TENM3: variants seen among roughly 807,000 people sequenced by gnomAD.
TENM3 encodes teneurin transmembrane protein 3.
In TENM3, 63 loss-of-function variants were observed where a neutral mutation model predicts 255.1. The observed-to-expected ratio is 0.25, with a 90% confidence interval of 0.20 to 0.30. The LOEUF (loss-of-function observed/expected upper bound fraction) is 0.30. Among genes scored for constraint, TENM3 ranks in the 10% least tolerant of loss-of-function variants. The probability of loss-of-function intolerance (pLI) is 1.00; values close to 1 mark genes in which losing one functional copy is unlikely to be tolerated. For synonymous variants in TENM3, 1,306 were observed against 1,322.3 expected (o/e 0.99, Z 0.27); for missense variants, 2,929 against 3,461.1 (o/e 0.85, Z 3.86).
At position 182,416,016 on chromosome 4, in the gene TENM3, G is replaced by T. The variant is rs142585483; in HGVS notation, c.511+69087G>T. 4.8e-3 allele frequency among the ~76,000 whole-genome samples: 738 copies of T among 152,190 alleles called. 5 individuals carry two copies. The highest frequency in any genetic ancestry group is 0.017 in the African/African-American group (702 of 41,536). ...AAAAATAAAACTTTTAACCATACTT[G>T]TAAAAGTACTAAGAAATTGTCTCCA... is the stretch of plus-strand genomic sequence containing the variant. On this transcript the variant is annotated intron_variant, in intron 3 of 27. Transcript: ENST00000511685.
At chr4:182,731,507 C>G (rs1760702375) in intron 16 of TENM3, among the ~76,000 whole-genome samples, 1 of 151,716 alleles carries the variant, frequency 6.6e-6, no homozygotes, top group Non-Finnish European at 1.5e-5. Context: ...GAGACCCTGT[C>G]TCAAAAAAAG....
the TENM3 span, among the ~76,000 whole-genome samples, chr4:181,990,133 AT>A: frequency 2.0e-5 from 3 of 152,106 alleles, no homozygotes; most frequent in African/African-American, 7.2e-5. Context: ...GCTTGTACGT[AT>A]TTCCTCTATA....
At chr4:182,237,820 A>G (rs1036382775) in intron 1 of TENM3, among the ~76,000 whole-genome samples, 2 of 152,188 alleles carry the variant, frequency 1.3e-5, no homozygotes, top group Non-Finnish European at 1.5e-5. Context: ...TTTGTCACCA[A>G]ATATATTTTC....
At chr4:181,774,003 GTTTTT>G in the TENM3 span, among the ~76,000 whole-genome samples, 50 of 90,060 alleles carry the variant, frequency 5.6e-4, 1 homozygote, top group African/African-American at 2.3e-3. Flanking sequence ...TGGTGGCTGT[GTTTTT>G]TTTTTTTTTT....
At chr4:182,066,792 T>C in the TENM3 span, among the ~76,000 whole-genome samples, 1 of 151,928 alleles carries the variant, frequency 6.6e-6, no homozygotes, top group East Asian at 1.9e-4. Flanking sequence ...GCGCCTGTAG[T>C]CCCAGCTACT....
the TENM3 span, among the ~76,000 whole-genome samples, chr4:181,518,816 A>G: frequency 2.0e-5 from 3 of 152,270 alleles, no homozygotes; most frequent in Non-Finnish European, 2.9e-5. Flanking sequence ...CTGTATGTCC[A>G]TGAATGACAG....
chr4:182,516,177 C>T (rs1737924384), intron 3 of TENM3, among the ~76,000 whole-genome samples: 1 of 152,168 alleles, frequency 6.6e-6, no homozygotes, highest in African/African-American at 2.4e-5. Context: ...GTAGAAATAG[C>T]ACTGGACTGT....
the TENM3 span, among the ~76,000 whole-genome samples, chr4:181,787,340 C>CTT: frequency 1.1e-3 from 152 of 141,412 alleles, no homozygotes; most frequent in East Asian, 4.2e-3. Flanking sequence ...CTACATCCAT[C>CTT]TTTTTTTTTT....
chr4:181,912,259 C>A, the TENM3 span, among the ~76,000 whole-genome samples: 13 of 152,164 alleles, frequency 8.5e-5, no homozygotes, highest in African/African-American at 2.9e-4. Flanking sequence ...TAGGATGGGT[C>A]TCAAAGCTTC....
chr4:182,590,992 A>G (rs1282227900), intron 3 of TENM3, among the ~76,000 whole-genome samples: 1 of 152,182 alleles, frequency 6.6e-6, no homozygotes, highest in East Asian at 1.9e-4. Context: ...TTTCCAATTC[A>G]GTCAATTAAC....
intron 6 of TENM3, among the ~76,000 whole-genome samples, chr4:182,659,248 T>A (rs994567324): frequency 3.9e-5 from 6 of 152,130 alleles, no homozygotes; most frequent in African/African-American, 1.4e-4. Context: ...CATCCCCCCC[T>A]CCACAGTTTT....
At chr4:181,886,362 A>C in the TENM3 span, among the ~76,000 whole-genome samples, 31,016 of 152,096 alleles carry the variant, frequency 0.2, 3,439 homozygotes, top group Non-Finnish European at 0.25. Context: ...CGGCCTCTAC[A>C]ACTTTTTCTT....
At chr4:182,113,629 G>A in the TENM3 span, among the ~76,000 whole-genome samples, 1 of 152,140 alleles carries the variant, frequency 6.6e-6, no homozygotes, top group South Asian at 2.1e-4. Context: ...AGTAAAGTTA[G>A]TCTGAAACAA....
chr4:182,297,739 T>G (rs1397536728), intron 1 of TENM3, among the ~76,000 whole-genome samples: 1 of 152,202 alleles, frequency 6.6e-6, no homozygotes, highest in Non-Finnish European at 1.5e-5. Flanking sequence ...TTAGCTGTTA[T>G]TTATTGTGTG....
At chr4:182,470,048 C>T (rs1281058059) in intron 3 of TENM3, among the ~76,000 whole-genome samples, 3 of 151,990 alleles carry the variant, frequency 2.0e-5, no homozygotes, top group African/African-American at 7.3e-5. Context: ...CCCAAGTGAC[C>T]GTGAATGCTA....
chr4:181,544,212 T>C, the TENM3 span, among the ~76,000 whole-genome samples: 3 of 152,088 alleles, frequency 2.0e-5, no homozygotes, highest in East Asian at 5.8e-4. Flanking sequence ...AAAAATGATA[T>C]AGGATATCTA....
chr4:182,785,438 T>C (rs2086661144), intron 24 of TENM3, among the ~76,000 whole-genome samples: 2 of 151,850 alleles, frequency 1.3e-5, no homozygotes, highest in Admixed American at 1.3e-4. Context: ...CCAGACGCAG[T>C]GGTTTACACC....
At chr4:182,584,855 C>T (rs750254379) in intron 3 of TENM3, among the ~76,000 whole-genome samples, 2 of 151,764 alleles carry the variant, frequency 1.3e-5, no homozygotes, top group Non-Finnish European at 2.9e-5. Context: ...CTGTTCAGGC[C>T]GGTCTCGATC....
At chr4:182,318,299 G>C (rs1199693710) in intron 1 of TENM3, among the ~76,000 whole-genome samples, 1 of 152,020 alleles carries the variant, frequency 6.6e-6, no homozygotes, top group Non-Finnish European at 1.5e-5. Context: ...ATTGATGTTA[G>C]GGATGTTTGA....
Sources: gnomAD v4.1 joint callset for allele counts (sites outside exome capture counted in the v4.1 genomes callset) on GRCh38, gnomAD v4.1.1 for gene constraint, MANE v1.5 for transcripts, NCBI Gene and HGNC (gene_info 2026-07-23, HGNC 2026-07-21) for gene names.